The following CTCF variants were observed in gnomAD, a reference collection of about 807,000 sequenced individuals.
The protein encoded by CTCF is CCCTC-binding factor, also known as transcriptional repressor CTCF.
In CTCF, 7 loss-of-function variants were observed where a neutral mutation model predicts 72.3. The ratio of observed to expected loss-of-function variants is 0.10; its 90% CI spans 0.06 to 0.18. CTCF has a LOEUF of 0.18. Among genes scored for constraint, CTCF ranks in the 10% least tolerant of loss-of-function variants. The pLI, the probability that CTCF is intolerant of heterozygous loss-of-function variation, is 1.00. For missense variants in CTCF, 516 were observed against 949.1 expected (o/e 0.54, Z 6.00); for synonymous variants, 374 against 315.8 (o/e 1.18, Z -1.95).
chr16:67,577,830 G>A (rs969437693), intron 2 of CTCF, among the ~76,000 whole-genome samples: 2 of 152,144 alleles, frequency 1.3e-5, no homozygotes, highest in African/African-American at 2.4e-5. Flanking sequence ...GCAGGAGGAA[G>A]CTCCTGCATC....
chr16:67,625,127 A>G (rs2052266303), intron 7 of CTCF, among the ~76,000 whole-genome samples: 1 of 151,714 alleles, frequency 6.6e-6, no homozygotes, highest in Non-Finnish European at 1.5e-5. Flanking sequence ...GTTTCACTAT[A>G]TGTTGGCCAG....
rs142827492 is a variant in CTCF at position 67,606,857 on chromosome 16, G to C, written c.-9-3967G>C. ...GGCTCACTGCAATCTCCGCCTCCAG[G>C]CTTCAAGCAATTCTCGAGCCTCACT... On this transcript the variant is annotated intron_variant, in intron 2 of 11. Transcript: ENST00000264010. Among the ~76,000 whole-genome samples, 930 of 151,232 alleles carry C rather than the reference G, an allele frequency of 6.1e-3. 5 individuals carry two copies. Among genetic ancestry groups the C allele is most frequent in the African/African-American group, 0.021 (864 of 41,178 alleles).
intron 2 of CTCF, among the ~76,000 whole-genome samples, chr16:67,607,620 A>G (rs982260564): frequency 2.0e-5 from 3 of 152,040 alleles, no homozygotes; most frequent in African/African-American, 4.8e-5. Flanking sequence ...CACAAGATAT[A>G]AGAGCCAAAA....
intron 2 of CTCF, among the ~76,000 whole-genome samples, chr16:67,605,828 G>A (rs1168020348): frequency 6.6e-6 from 1 of 152,132 alleles, no homozygotes; most frequent in African/African-American, 2.4e-5. Flanking sequence ...GTGAAGACAG[G>A]GAGATGACAG....
rs1384739514 is a variant in CTCF, at chr16:67,637,881, C to A, written c.*9C>A. The stretch of plus-strand genomic sequence containing the variant: ...GCATGATGGACCGGTGATGGCGGAG[C>A]CTTGTGCGTCGCCAGGACTTCTCTG... On this transcript the variant is annotated 3_prime_UTR_variant, in exon 12 of 12. Transcript: ENST00000264010. 6 of 1,596,802 alleles carry A rather than the reference C, an allele frequency of 3.8e-6. No homozygotes were observed. In the Admixed American group the frequency reaches 1.0e-4, roughly 28 times the overall value.
At chr16:67,565,725 T>C (rs2051334531) in intron 1 of CTCF, among the ~76,000 whole-genome samples, 1 of 150,298 alleles carries the variant, frequency 6.7e-6, no homozygotes, top group Non-Finnish European at 1.5e-5. Context: ...TTTATCGGGA[T>C]CCATTCAACC....
intron 5 of CTCF, among the ~76,000 whole-genome samples, chr16:67,617,153 G>A (rs902236516): frequency 6.6e-6 from 1 of 151,534 alleles, no homozygotes; most frequent in South Asian, 2.1e-4. Flanking sequence ...CCTGAGGTCG[G>A]GAGTTGGAGA....
intron 1 of CTCF, among the ~76,000 whole-genome samples, chr16:67,565,646 C>G (rs2051333268): frequency 6.9e-6 from 1 of 144,184 alleles, no homozygotes; most frequent in African/African-American, 2.6e-5. Flanking sequence ...GCACTCCAGC[C>G]TGGGCAACAG....
intron 2 of CTCF, among the ~76,000 whole-genome samples, chr16:67,601,896 C>G (rs1477695230): frequency 6.7e-6 from 1 of 149,874 alleles, no homozygotes; most frequent in Non-Finnish European, 1.5e-5. Context: ...TGGAGTCTCC[C>G]TCTGTCACCC....
chr16:67,632,132 A>T (rs2052374273), intron 10 of CTCF, among the ~76,000 whole-genome samples: 1 of 151,704 alleles, frequency 6.6e-6, no homozygotes. Context: ...GTTTTCAGAA[A>T]TGTTAGGAGA....
chr16:67,578,932 G>C (rs1236000400), intron 2 of CTCF, among the ~76,000 whole-genome samples: 2 of 150,690 alleles, frequency 1.3e-5, no homozygotes, highest in African/African-American at 2.4e-5. Flanking sequence ...TGGGGGACAA[G>C]AGCAAGACTT....
intron 8 of CTCF, 42 bp downstream of exon 8, chr16:67,626,757 C>G (rs780529768): frequency 6.3e-5 from 86 of 1,354,708 alleles, no homozygotes; most frequent in Non-Finnish European, 8.2e-5. Context: ...TTCTCGGTGT[C>G]TGGTGTTATC....
intron 4 of CTCF, chr16:67,616,127 A>G (rs1461513681): frequency 6.6e-6 from 1 of 152,584 alleles, no homozygotes; most frequent in Non-Finnish European, 1.5e-5. Flanking sequence ...TGATCACAGC[A>G]TATTAGACAT....
At chr16:67,581,461 T>A (rs534551859) in intron 2 of CTCF, among the ~76,000 whole-genome samples, 62 of 152,220 alleles carry the variant, frequency 4.1e-4, no homozygotes, top group East Asian at 1.2e-3. Flanking sequence ...TAGCTGGGAT[T>A]ACAGACATGC....
intron 2 of CTCF, among the ~76,000 whole-genome samples, chr16:67,594,844 T>TG (rs1330217163): frequency 6.6e-6 from 1 of 152,062 alleles, no homozygotes; most frequent in Non-Finnish European, 1.5e-5. Flanking sequence ...AAGCTAATAC[T>TG]GGGGGAAAAA....
chr16:67,637,607 G>C, intron 11 of CTCF, 81 bp from the exon 12 acceptor site: 1 of 1,177,742 alleles, frequency 8.5e-7, no homozygotes, highest in Non-Finnish European at 1.2e-6. Flanking sequence ...CTGACATCCC[G>C]TTCGCTGTCA....
At chr16:67,617,630 C>T (rs919389865) in intron 5 of CTCF, among the ~76,000 whole-genome samples, 2 of 151,972 alleles carry the variant, frequency 1.3e-5, no homozygotes, top group Admixed American at 6.6e-5. Context: ...TGCAGTGAGC[C>T]GAGATCGTGC....
chr16:67,611,921 C>G (rs1026010486), intron 3 of CTCF, 30 bp from the exon 4 acceptor site: 3 of 1,595,946 alleles, frequency 1.9e-6, no homozygotes, highest in Non-Finnish European at 2.6e-6. Context: ...TGAAACTCTG[C>G]AGCAAGTAAG....
intron 2 of CTCF, among the ~76,000 whole-genome samples, chr16:67,595,936 C>CT (rs923154179): frequency 6.5e-4 from 98 of 151,396 alleles, no homozygotes; most frequent in Non-Finnish European, 1.2e-3. Context: ...GAGTATCTTT[C>CT]TTTTTTTTTC....
Sources: gnomAD v4.1 joint callset for allele counts (sites outside exome capture counted in the v4.1 genomes callset) on GRCh38, gnomAD v4.1.1 for gene constraint, MANE v1.5 for transcripts, NCBI Gene and HGNC (gene_info 2026-07-23, HGNC 2026-07-21) for gene names.